The following SLC36A1 variants were observed in gnomAD, a reference collection of about 807,000 sequenced individuals.
SLC36A1 encodes solute carrier family 36 member 1.
SLC36A1 carries 30 observed loss-of-function variants against 47.5 expected under a neutral mutation model. The observed-to-expected ratio is 0.63, with a 90% CI of 0.47 to 0.86. The LOEUF (loss-of-function observed/expected upper bound fraction) is 0.86. Among genes scored for constraint, SLC36A1 ranks in the 40% least tolerant of loss-of-function variants. The pLI is 0.00. For missense variants in SLC36A1, 517 were observed against 606.0 expected (o/e 0.85, Z 1.54); for synonymous variants, 255 against 249.7 (o/e 1.02, Z -0.20).
chr5:151,388,695 G>A, the SLC36A1 span, among the ~76,000 whole-genome samples: 1 of 151,770 alleles, frequency 6.6e-6, no homozygotes, highest in African/African-American at 2.4e-5. Flanking sequence ...GACTCTTTTC[G>A]TCAACACTTT....
intron 1 of SLC36A1, among the ~76,000 whole-genome samples, chr5:151,454,838 G>A (rs897504664): frequency 1.4e-5 from 2 of 148,066 alleles, no homozygotes; most frequent in Admixed American, 6.9e-5. Context: ...TCAGCCTCCC[G>A]AGTAGCTGGG....
At chr5:151,465,202 C>T (rs757706325) in intron 5 of SLC36A1, 33 bp downstream of exon 5, 12 of 1,556,298 alleles carry the variant, frequency 7.7e-6, no homozygotes. Flanking sequence ...TCAACTGTGG[C>T]CTCCCAGTGT....
At chr5:151,410,856 G>A in the SLC36A1 span, among the ~76,000 whole-genome samples, 1 of 144,486 alleles carries the variant, frequency 6.9e-6, no homozygotes, top group Admixed American at 6.8e-5. Context: ...TTGGTTGGGA[G>A]GGACTGTCCT....
intron 9 of SLC36A1, 101 bp from the exon 10 acceptor site, chr5:151,479,219 T>G (rs1395770569): frequency 6.9e-6 from 9 of 1,302,602 alleles, no homozygotes; most frequent in Non-Finnish European, 9.7e-6. Context: ...TTTGTATCCT[T>G]GATAAGTGTC....
At chr5:151,441,804 C>A (rs879693813) in intron 1 of SLC36A1, among the ~76,000 whole-genome samples, 8 of 152,008 alleles carry the variant, frequency 5.3e-5, no homozygotes, top group African/African-American at 1.9e-4. Flanking sequence ...ATAAACTGCA[C>A]GTATTTAAAG....
chr5:151,381,085 C>T, the SLC36A1 span: 41 of 474,628 alleles, frequency 8.6e-5, no homozygotes, highest in African/African-American at 3.4e-4. Flanking sequence ...ACCAGCCACA[C>T]GACCATGTCA....
the SLC36A1 span, chr5:151,544,251 G>T: frequency 1.2e-6 from 2 of 1,614,116 alleles, no homozygotes; most frequent in African/African-American, 2.7e-5. Context: ...CCAACAGTTG[G>T]ATCACAGGGG....
the SLC36A1 span, among the ~76,000 whole-genome samples, chr5:151,429,065 G>A: frequency 6.6e-6 from 1 of 152,224 alleles, no homozygotes; most frequent in South Asian, 2.1e-4. Flanking sequence ...GCACAGGATT[G>A]TAGGGAGAAA....
In SLC36A1 at chr5:151,464,562, A is replaced by G. The variant is rs143136105; in HGVS notation, c.283A>G (p.Met95Val). The stretch of plus-strand genomic sequence containing the variant: ...CATAGGCATCGTGGCCGTGCACTGC[A>G]TGGGTATCCTGGTGAAATGTGCTCA... ...LIIGIVAVHCMGILVKCAHHF... is the reference protein window; with the variant it reads ...LIIGIVAVHCVGILVKCAHHF... The change falls in exon 4 of 11, where the codon ATG (methionine) becomes GTG (valine). Residue 95 changes from methionine to valine, a missense_variant. Physicochemically the swap from Met to Val is conservative, Grantham distance 21. Coordinates refer to ENST00000243389, the MANE Select transcript of SLC36A1 (RefSeq NM_078483.4). 1.2e-6 allele frequency: 2 copies of G among 1,614,076 alleles called. No individual in the cohort carries two copies. Among genetic ancestry groups the G allele is most frequent in the Non-Finnish European group, 1.7e-6 (2 of 1,180,034 alleles).
the SLC36A1 span, among the ~76,000 whole-genome samples, chr5:151,373,226 A>G: frequency 6.6e-6 from 1 of 152,114 alleles, no homozygotes; most frequent in Non-Finnish European, 1.5e-5. Context: ...TGAGTTCAGG[A>G]GTTTGAGGCC....
At position 151,489,204 on chromosome 5, in the gene SLC36A1, C is replaced by T. The variant is rs931717725; in HGVS notation, c.*950C>T. The T allele has an allele frequency of 2.6e-5, 4 of 152,120 alleles. No individual in the cohort carries two copies. Among genetic ancestry groups the T allele is most frequent in the African/African-American group, 9.7e-5 (4 of 41,386 alleles). The allele number at this position is 152,120 out of a possible 1,614,324, so 9.4% of individuals were successfully genotyped here. ...CCAGCCTGGTTTCATACCGAAAAGA[C>T]ATTGAAGGACTGCAGAAATGTATGG... On this transcript the variant is annotated 3_prime_UTR_variant, in exon 11 of 11. Coordinates refer to ENST00000243389, the MANE Select transcript of SLC36A1 (RefSeq NM_078483.4). This position sits in a 1 kb window ranked among gnomAD's most constrained non-coding sequence, Gnocchi z 4.5.
At chr5:151,453,420 G>C (rs181819201) in intron 1 of SLC36A1, among the ~76,000 whole-genome samples, 29 of 151,810 alleles carry the variant, frequency 1.9e-4, no homozygotes, top group Middle Eastern at 6.8e-3. Context: ...TTGAAATCTA[G>C]TGTGCACATT....
chr5:151,395,889 A>T, the SLC36A1 span, among the ~76,000 whole-genome samples: 169 of 152,222 alleles, frequency 1.1e-3, 1 homozygote, highest in East Asian at 0.015. Flanking sequence ...GGCTCACTGC[A>T]ACCTCCACCT....
rs998226815 is a variant in SLC36A1, at chr5:151,467,072, C to G, written c.420-127C>G. Reference sequence around the variant, plus strand: ...AGGCACTACCACTATGCAGTATATCCATTTAACAAAACAGCACTTGTACTC... The same window carrying G: ...AGGCACTACCACTATGCAGTATATCGATTTAACAAAACAGCACTTGTACTC... On this transcript the variant is annotated intron_variant, in intron 5 of 10. Transcript: ENST00000243389. 5.7e-6 allele frequency: 4 copies of G among 697,380 alleles called. No homozygotes were observed. The African/African-American group carries it at 7.2e-5, about 13-fold the overall frequency. The allele number at this position is 697,380 out of a possible 1,614,324, so 43.2% of individuals were successfully genotyped here. A position where few individuals can be genotyped will look rare whatever the true frequency, so the allele number is the denominator to read the frequency against.
At chr5:151,543,802 C>T in the SLC36A1 span, 2 of 1,614,184 alleles carry the variant, frequency 1.2e-6, no homozygotes, top group Admixed American at 3.3e-5. Flanking sequence ...GTGCTTTTTG[C>T]AAAGGTTGAA....
chr5:151,543,674 G>T, the SLC36A1 span: 2 of 1,614,174 alleles, frequency 1.2e-6, no homozygotes, highest in Admixed American at 1.7e-5. Context: ...GCCTCATAAA[G>T]GTGCTGCTGG....
chr5:151,473,078 G>A (rs553292019), intron 7 of SLC36A1, among the ~76,000 whole-genome samples: 2 of 152,240 alleles, frequency 1.3e-5, no homozygotes, highest in African/African-American at 4.8e-5. Context: ...GCTGAGGCAC[G>A]AAGAATTGCT....
the SLC36A1 span, among the ~76,000 whole-genome samples, chr5:151,364,610 A>G: frequency 6.6e-6 from 1 of 152,216 alleles, no homozygotes; most frequent in Non-Finnish European, 1.5e-5. Context: ...CAGATTAGGC[A>G]ACTAATCCTA....
At chr5:151,543,678 C>A in the SLC36A1 span, 1 of 1,614,188 alleles carries the variant, frequency 6.2e-7, no homozygotes, top group Admixed American at 1.7e-5. Context: ...CATAAAGGTG[C>A]TGCTGGAACT....
Sources: gnomAD v4.1 joint callset for allele counts (sites outside exome capture counted in the v4.1 genomes callset) on GRCh38, gnomAD v4.1.1 for gene constraint, Gnocchi (gnomAD v3.1) non-coding constraint, MANE v1.5 for transcripts, NCBI Gene and HGNC (gene_info 2026-07-23, HGNC 2026-07-21) for gene names.